VGLL4: variants seen among roughly 807,000 people sequenced by gnomAD.
The protein encoded by VGLL4 is vestigial like family member 4, also known as transcription cofactor vestigial-like protein 4.
A neutral mutation model predicts 21.0 loss-of-function variants in VGLL4; 7 were observed. That is an observed-to-expected ratio of 0.33 (90% CI 0.19 to 0.63). The LOEUF (loss-of-function observed/expected upper bound fraction) is 0.63, where lower values mean the gene tolerates loss of function less well. VGLL4 is among the 20% of genes least tolerant of loss of function. The pLI, the probability that VGLL4 is intolerant of heterozygous loss-of-function variation, is 0.78. For synonymous variants in VGLL4, 222 were observed against 173.2 expected (o/e 1.28, Z -2.21); for missense variants, 394 against 425.7 (o/e 0.93, Z 0.66).
At chr3:11,712,013 G>A (rs950954471) in intron 1 of VGLL4, among the ~76,000 whole-genome samples, 1 of 152,062 alleles carries the variant, frequency 6.6e-6, no homozygotes, top group African/African-American at 2.4e-5. Flanking sequence ...CACCAACTTC[G>A]TGCAGCACAT....
chr3:11,665,321 GC>G (rs1265808672), intron 2 of VGLL4, among the ~76,000 whole-genome samples: 1 of 152,048 alleles, frequency 6.6e-6, no homozygotes, highest in African/African-American at 2.4e-5. Context: ...CACCGTGTTA[GC>G]CAGGATGGTC....
At chr3:11,661,335 A>G (rs2076034596) in intron 2 of VGLL4, among the ~76,000 whole-genome samples, 1 of 152,234 alleles carries the variant, frequency 6.6e-6, no homozygotes, top group South Asian at 2.1e-4. Flanking sequence ...GGACAAAGGA[A>G]GGAAAGGAAT....
intron 2 of VGLL4, among the ~76,000 whole-genome samples, chr3:11,676,413 A>AAAAAAAAAAAAAAAT (rs2076293282): frequency 4.3e-5 from 2 of 46,932 alleles, no homozygotes; most frequent in African/African-American, 1.0e-4. Context: ...AAAAAAAATA[A>AAAAAAAAAAAAAAAT]AATAATAATA....
intron 2 of VGLL4, among the ~76,000 whole-genome samples, chr3:11,586,492 T>C (rs1286397916): frequency 6.6e-6 from 1 of 152,232 alleles, no homozygotes. Context: ...CAACCGATCA[T>C]GGATGGAAAA....
chr3:11,654,523 AC>A (rs745709161), intron 2 of VGLL4, among the ~76,000 whole-genome samples: 3 of 152,228 alleles, frequency 2.0e-5, no homozygotes, highest in Non-Finnish European at 2.9e-5. Flanking sequence ...ATTCCTGTTA[AC>A]TTGCAAGGCA....
At chr3:11,634,391 G>A (rs1366517258) in intron 1 of VGLL4, among the ~76,000 whole-genome samples, 1 of 152,062 alleles carries the variant, frequency 6.6e-6, no homozygotes, top group Non-Finnish European at 1.5e-5. Context: ...GATCTCATAC[G>A]TCTATCCACT....
chr3:11,598,060 C>T (rs7629028), intron 2 of VGLL4, among the ~76,000 whole-genome samples: 17,998 of 151,644 alleles, frequency 0.12, 1,299 homozygotes, highest in East Asian at 0.25. Flanking sequence ...TCATCTCGCT[C>T]TGTTGCCCAG....
At chr3:11,661,308 A>G (rs17035032) in intron 2 of VGLL4, among the ~76,000 whole-genome samples, 3,248 of 152,256 alleles carry the variant, frequency 0.021, 125 homozygotes, top group African/African-American at 0.075. Flanking sequence ...CATCACAGAC[A>G]ATGCAAATAA....
chr3:11,694,555 G>C (rs1423642522), intron 2 of VGLL4, among the ~76,000 whole-genome samples: 1 of 151,970 alleles, frequency 6.6e-6, no homozygotes, highest in Non-Finnish European at 1.5e-5. Context: ...CTGTAGGGCA[G>C]AGGTTGCAGT....
At chr3:11,707,485 G>T (rs1387433745) in intron 1 of VGLL4, among the ~76,000 whole-genome samples, 1 of 151,186 alleles carries the variant, frequency 6.6e-6, no homozygotes, top group Non-Finnish European at 1.5e-5. Flanking sequence ...CATGAGGGAC[G>T]GGGACCAAGC....
rs185071805 is a variant in VGLL4, at chr3:11,671,452, G to A, written c.64+31519C>T. 8.4e-3 allele frequency: 6,141 copies of A among 730,542 alleles called. 52 individuals are homozygous for A. The highest frequency in any genetic ancestry group is 9.9e-3 in the Middle Eastern group (43 of 4,346). 45.3% of individuals were successfully genotyped at this position (730,542 alleles called of 1,614,324 possible). ...AAAACACAGTTGTCCCTCAGTATTCGCCGGGGATTGGTCCCAGGACCCCCA... is the reference window on the plus strand; with the variant it reads ...AAAACACAGTTGTCCCTCAGTATTCACCGGGGATTGGTCCCAGGACCCCCA... On this transcript the variant is annotated intron_variant, in intron 2 of 5. Transcript: ENST00000273038.
chr3:11,583,963 A>C (rs1011718161), intron 2 of VGLL4, among the ~76,000 whole-genome samples: 1 of 152,238 alleles, frequency 6.6e-6, no homozygotes, highest in Non-Finnish European at 1.5e-5. Flanking sequence ...ATGTGTATTA[A>C]ACACATACAA....
intron 1 of VGLL4, among the ~76,000 whole-genome samples, chr3:11,704,168 G>A (rs1316816169): frequency 6.6e-6 from 1 of 152,018 alleles, no homozygotes; most frequent in Non-Finnish European, 1.5e-5. Flanking sequence ...GTAACCTGAG[G>A]TCGGGAGTTT....
chr3:11,595,102 G>C (rs962725137), intron 2 of VGLL4, among the ~76,000 whole-genome samples: 21 of 152,170 alleles, frequency 1.4e-4, no homozygotes, highest in Non-Finnish European at 2.9e-5. Flanking sequence ...TGGAGGTTGT[G>C]GTGAGCCGAG....
chr3:11,702,861 A>C (rs1008591099), intron 2 of VGLL4: 82 of 1,010,758 alleles, frequency 8.1e-5, no homozygotes, highest in Non-Finnish European at 1.4e-5. Context: ...ACCAAAATTA[A>C]CAGCAAATAG....
intron 2 of VGLL4, among the ~76,000 whole-genome samples, chr3:11,678,208 C>A (rs1002623777): frequency 1.6e-4 from 25 of 152,150 alleles, no homozygotes; most frequent in Admixed American, 7.2e-4. Context: ...GCGTGCGCCA[C>A]CACATCTGGC....
intron 2 of VGLL4, among the ~76,000 whole-genome samples, chr3:11,687,077 T>G (rs888567976): frequency 1.3e-5 from 2 of 152,210 alleles, no homozygotes; most frequent in Admixed American, 1.3e-4. Flanking sequence ...TATGTCAGTA[T>G]TATCCCATTC....
intron 2 of VGLL4, among the ~76,000 whole-genome samples, chr3:11,679,512 G>A (rs974269147): frequency 1.3e-5 from 2 of 152,078 alleles, no homozygotes; most frequent in South Asian, 2.1e-4. Context: ...GTGAAACCCC[G>A]TCTCTACTAA....
intron 2 of VGLL4, among the ~76,000 whole-genome samples, chr3:11,691,345 C>G (rs974779204): frequency 6.6e-6 from 1 of 151,850 alleles, no homozygotes; most frequent in Non-Finnish European, 1.5e-5. Context: ...TCCAGTTTGT[C>G]TTGAGTAGTC....
Sources: gnomAD v4.1 joint callset for allele counts (sites outside exome capture counted in the v4.1 genomes callset) on GRCh38, gnomAD v4.1.1 for gene constraint, MANE v1.5 for transcripts, NCBI Gene and HGNC (gene_info 2026-07-23, HGNC 2026-07-21) for gene names.